Variants in CFAP54 observed in about 807,000 individuals in gnomAD.
The protein encoded by CFAP54 is cilia and flagella associated protein 54.
CFAP54 carries 290 observed loss-of-function variants against 370.4 expected under a neutral mutation model. That is an observed-to-expected ratio of 0.78 (90% CI 0.71 to 0.86). CFAP54 has a LOEUF of 0.86. Among genes scored for constraint, CFAP54 ranks in the 40% least tolerant of loss-of-function variants. The pLI is 0.00. For synonymous variants in CFAP54, 1,206 were observed against 1,236.5 expected (o/e 0.98, Z 0.52); for missense variants, 3,399 against 3,528.7 (o/e 0.96, Z 0.93).
intron 32 of CFAP54, among the ~76,000 whole-genome samples, chr12:96,639,831 C>T (rs1565924195): frequency 6.6e-6 from 1 of 152,020 alleles, no homozygotes; most frequent in Non-Finnish European, 1.5e-5. Context: ...ACAAAAACCA[C>T]ATGATTATCT....
At chr12:96,754,545 T>G (rs1958228629) in intron 56 of CFAP54, among the ~76,000 whole-genome samples, 1 of 152,106 alleles carries the variant, frequency 6.6e-6, no homozygotes, top group South Asian at 2.1e-4. Flanking sequence ...TGCTTGATGA[T>G]GAGGAAAATT....
intron 26 of CFAP54, among the ~76,000 whole-genome samples, chr12:96,611,353 AC>A (rs1956356456): frequency 6.6e-6 from 1 of 152,220 alleles, no homozygotes; most frequent in African/African-American, 2.4e-5. Flanking sequence ...AAACTAACAA[AC>A]AGAAAGGACA....
At chr12:96,557,716 A>G (rs2136403967) in intron 17 of CFAP54, among the ~76,000 whole-genome samples, 1 of 152,200 alleles carries the variant, frequency 6.6e-6, no homozygotes, top group South Asian at 2.1e-4. Context: ...AAAAAATAAA[A>G]TGAAAGACTA....
chr12:96,728,292 T>C (rs1394962032), intron 50 of CFAP54, among the ~76,000 whole-genome samples: 1 of 152,240 alleles, frequency 6.6e-6, no homozygotes, highest in African/African-American at 2.4e-5. Context: ...GGTTCCATTC[T>C]CCCTGTCACT....
chr12:96,868,219 C>T (rs1960056262), intron 67 of CFAP54, among the ~76,000 whole-genome samples: 1 of 152,024 alleles, frequency 6.6e-6, no homozygotes, highest in Non-Finnish European at 1.5e-5. Flanking sequence ...GCTGTCCTCT[C>T]CTTGAGGTCA....
rs916369982 is a variant in CFAP54 at position 96,650,908 on chromosome 12, T to G, written c.4873-680T>G. Among the ~76,000 whole-genome samples the G allele has an allele frequency of 2.0e-5, 3 of 152,188 alleles. No homozygotes were observed. In the East Asian group the frequency reaches 5.8e-4, roughly 29 times the overall value. On this transcript the variant is annotated intron_variant, in intron 35 of 67. Coordinates refer to ENST00000524981, the MANE Select transcript of CFAP54 (RefSeq NM_001306084.2). Reference sequence around the variant, plus strand: ...AGAACTCAGCTCCTCTTACTCTTGCTGTTGTTTGGCTCACTCCCATGGGTC... The same window carrying G: ...AGAACTCAGCTCCTCTTACTCTTGCGGTTGTTTGGCTCACTCCCATGGGTC...
rs150920474 is a variant in CFAP54 at position 96,764,220 on chromosome 12, G to A, written c.8110G>A (p.Ala2704Thr). ...ANKFEMYSSLAWIAIRAAAQV... is the reference protein window; with the variant it reads ...ANKFEMYSSLTWIAIRAAAQV... ...TAAATTTGAAATGTACAGTTCATTA[G>A]CCTGGATTGCAATAAGAGCTGCTGC... is the stretch of plus-strand genomic sequence containing the variant. Residue 2704 changes from alanine (A) to threonine (T), a missense_variant, in exon 59 of 68, where the codon GCC becomes ACC. Physicochemically the swap from Ala to Thr is moderately conservative, Grantham distance 58 (BLOSUM62 0). Coordinates refer to ENST00000524981, the MANE Select transcript of CFAP54 (RefSeq NM_001306084.2). 31 of 1,612,858 alleles carry A rather than the reference G, an allele frequency of 1.9e-5. No homozygotes were observed. Among genetic ancestry groups the A allele is most frequent in the East Asian group, 6.7e-5 (3 of 44,834 alleles).
At chr12:96,816,696 G>T (rs927451370) in intron 64 of CFAP54, among the ~76,000 whole-genome samples, 5 of 152,164 alleles carry the variant, frequency 3.3e-5, no homozygotes, top group African/African-American at 1.2e-4. Flanking sequence ...TCCTTGAATG[G>T]AGACATGCAT....
intron 60 of CFAP54, among the ~76,000 whole-genome samples, chr12:96,780,533 G>T (rs1230599580): frequency 6.6e-6 from 1 of 152,080 alleles, no homozygotes; most frequent in Non-Finnish European, 1.5e-5. Flanking sequence ...GACTGACTCA[G>T]CAAAGAAGTT....
intron 13 of CFAP54, among the ~76,000 whole-genome samples, chr12:96,539,083 TG>T (rs771403090): frequency 9.8e-5 from 14 of 142,980 alleles, no homozygotes; most frequent in Admixed American, 2.1e-4. Flanking sequence ...TTTTTGTTTT[TG>T]TTTTTGAGAT....
At chr12:96,759,401 A>T (rs1468068254) in intron 58 of CFAP54, among the ~76,000 whole-genome samples, 1 of 152,202 alleles carries the variant, frequency 6.6e-6, no homozygotes, top group African/African-American at 2.4e-5. Context: ...CTTATAATTA[A>T]GAACATAAAG....
intron 40 of CFAP54, among the ~76,000 whole-genome samples, chr12:96,680,677 C>A (rs1024196477): frequency 6.6e-6 from 1 of 151,810 alleles, no homozygotes; most frequent in Non-Finnish European, 1.5e-5. Context: ...ACCCCCCACA[C>A]TTTCTATGAT....
chr12:96,568,244 A>G (rs1159847705), intron 19 of CFAP54, among the ~76,000 whole-genome samples: 1 of 151,780 alleles, frequency 6.6e-6, no homozygotes, highest in African/African-American at 2.4e-5. Context: ...AAAAAATGTA[A>G]AATTTACAAA....
intron 15 of CFAP54, among the ~76,000 whole-genome samples, chr12:96,550,902 G>A (rs1955687029): frequency 1.3e-5 from 2 of 152,192 alleles, no homozygotes; most frequent in South Asian, 2.1e-4. Context: ...ATGAAAGATG[G>A]GGGTTGGAAA....
intron 14 of CFAP54, among the ~76,000 whole-genome samples, chr12:96,546,595 A>G (rs1218494363): frequency 3.3e-5 from 5 of 152,158 alleles, no homozygotes; most frequent in African/African-American, 9.6e-5. Flanking sequence ...TTGGTAGGCC[A>G]AGCCAGGTGG....
At chr12:96,826,956 T>A (rs1331437786) in intron 65 of CFAP54, among the ~76,000 whole-genome samples, 5 of 129,142 alleles carry the variant, frequency 3.9e-5, no homozygotes, top group African/African-American at 1.6e-4. Flanking sequence ...TGATTATATA[T>A]AATATGCAAT....
chr12:96,771,423 C>T (rs148552554), intron 60 of CFAP54, among the ~76,000 whole-genome samples: 1,583 of 152,232 alleles, frequency 0.01, 25 homozygotes, highest in African/African-American at 0.035. Flanking sequence ...GAGGCCAAGG[C>T]GGGCGGTTCA....
At chr12:96,622,835 TACTGGATG>T (rs962629976) in intron 27 of CFAP54, among the ~76,000 whole-genome samples, 1 of 152,236 alleles carries the variant, frequency 6.6e-6, no homozygotes, top group African/African-American at 2.4e-5. Context: ...ACCACTGTTT[TACTGGATG>T]ACTTTTTAAG....
chr12:96,720,292 T>C, intron 49 of CFAP54, 113 bp from the exon 50 acceptor site: 2 of 935,560 alleles, frequency 2.1e-6, no homozygotes, highest in Non-Finnish European at 2.9e-6. Context: ...AGTTCCTTTT[T>C]GGTCTTCCAT....
Sources: allele counts gnomAD v4.1 joint callset (sites outside exome capture counted in the v4.1 genomes callset), GRCh38; gene constraint gnomAD v4.1.1; transcripts MANE v1.5; gene names NCBI Gene and HGNC (gene_info 2026-07-23, HGNC 2026-07-21).